Variants in MRPL13 observed in about 807,000 individuals in gnomAD.
The protein encoded by MRPL13 is large ribosomal subunit protein uL13m.
In MRPL13, 33 loss-of-function variants were observed where a neutral mutation model predicts 29.0. The observed-to-expected ratio is 1.14, with a 90% CI of 0.86 to 1.52. The LOEUF (loss-of-function observed/expected upper bound fraction) is 1.52, where lower values mean the gene tolerates loss of function less well. Ranked by LOEUF, MRPL13 falls within the 40% of genes most tolerant of loss-of-function variation. MRPL13 has a pLI of 0.00. For missense variants in MRPL13, 227 were observed against 216.7 expected, an observed-to-expected ratio of 1.05 and a Z score of -0.30; for synonymous variants, 77 against 68.4, an observed-to-expected ratio of 1.13 and a Z score of -0.62.
chr8:120,420,368 G>C (rs929770108), intron 4 of MRPL13, among the ~76,000 whole-genome samples: 9 of 150,158 alleles, frequency 6.0e-5, no homozygotes, highest in Non-Finnish European at 8.9e-5. Flanking sequence ...AAAAGCTAAT[G>C]GGTTACCATA....
intron 4 of MRPL13, among the ~76,000 whole-genome samples, chr8:120,420,246 G>A (rs1812854195): frequency 6.6e-6 from 1 of 151,260 alleles, no homozygotes; most frequent in South Asian, 2.1e-4. Flanking sequence ...AATTTGATGT[G>A]TGTTAAAGCT....
At chr8:120,444,902 T>A (rs1813185073) in intron 1 of MRPL13, 166 bp downstream of exon 1, 1 of 747,174 alleles carries the variant, frequency 1.3e-6, no homozygotes, top group Non-Finnish European at 2.3e-6. Context: ...CGAACGACAT[T>A]AAGTGCTTGC....
At chr8:120,403,396 C>T (rs927096771) in intron 6 of MRPL13, among the ~76,000 whole-genome samples, 1 of 152,076 alleles carries the variant, frequency 6.6e-6, no homozygotes, top group Non-Finnish European at 1.5e-5. Context: ...GGAACGGAAA[C>T]CCAAACACCA....
intron 6 of MRPL13, among the ~76,000 whole-genome samples, chr8:120,413,115 G>T (rs1812758190): frequency 6.6e-6 from 1 of 152,030 alleles, no homozygotes; most frequent in African/African-American, 2.4e-5. Context: ...GATAAATGCT[G>T]TGAAAAAAAT....
chr8:120,400,727 A>C (rs1397129471), intron 6 of MRPL13, among the ~76,000 whole-genome samples: 1 of 137,728 alleles, frequency 7.3e-6, no homozygotes, highest in East Asian at 2.0e-4. Context: ...TAAATAAATA[A>C]ATAAATAAAT....
At chr8:120,414,177 T>C in intron 5 of MRPL13, 65 bp from the exon 6 acceptor site, 2 of 1,154,180 alleles carry the variant, frequency 1.7e-6, no homozygotes, top group Non-Finnish European at 2.3e-6. Flanking sequence ...AAATTACTAA[T>C]ACTTCATAAG....
At chr8:120,406,513 T>C (rs1586918368) in intron 6 of MRPL13, among the ~76,000 whole-genome samples, 1 of 151,824 alleles carries the variant, frequency 6.6e-6, no homozygotes, top group African/African-American at 2.4e-5. Flanking sequence ...CCAGTCCTCA[T>C]CTTTATAAAG....
At chr8:120,398,831 A>G (rs1037252352) in intron 6 of MRPL13, among the ~76,000 whole-genome samples, 1 of 152,220 alleles carries the variant, frequency 6.6e-6, no homozygotes, top group African/African-American at 2.4e-5. Context: ...GAGCTGAAAA[A>G]TACAACATGA....
Position 120,403,513 on chromosome 8 carries a change from G to A in MRPL13, c.516-7388C>T, listed in dbSNP as rs372422976. The stretch of plus-strand genomic sequence containing the variant: ...TAGGAGGGGTTGGGGGAGGGAGACC[G>A]TCAGGAAGAATAGCGAATGGATGCT... On this transcript the variant is annotated intron_variant, in intron 6 of 6. Coordinates refer to ENST00000306185, the MANE Select transcript of MRPL13 (RefSeq NM_014078.6). 8.2e-4 allele frequency among the ~76,000 whole-genome samples: 125 copies of A among 152,208 alleles called. 1 individual carries two copies. Among genetic ancestry groups the A allele is most frequent in the African/African-American group, 2.8e-3 (115 of 41,540 alleles).
At chr8:120,412,064 G>A (rs1812746057) in intron 6 of MRPL13, among the ~76,000 whole-genome samples, 1 of 152,010 alleles carries the variant, frequency 6.6e-6, no homozygotes, top group South Asian at 2.1e-4. Flanking sequence ...GACTTCAAGT[G>A]TATAATATGT....
Position 120,427,933 on chromosome 8 carries a change from T to C in MRPL13, c.246-2567A>G, listed in dbSNP as rs766502312. 2.6e-5 allele frequency among the ~76,000 whole-genome samples: 4 copies of C among 152,014 alleles called. No individual in the cohort carries two copies. The East Asian group carries it at 7.7e-4, about 29-fold the overall frequency. The stretch of plus-strand genomic sequence containing the variant: ...TGCCCAAAGCAATTTATAGATTCAA[T>C]GCTATTCCTATTAAACTACCACTGA... On this transcript the variant is annotated intron_variant, in intron 3 of 6. Coordinates refer to ENST00000306185, the MANE Select transcript of MRPL13 (RefSeq NM_014078.6).
chr8:120,422,273 G>C (rs1812881700), intron 4 of MRPL13, among the ~76,000 whole-genome samples: 1 of 151,524 alleles, frequency 6.6e-6, no homozygotes, highest in African/African-American at 2.4e-5. Flanking sequence ...TTTAGGTCTA[G>C]CACTTTGCTA....
chr8:120,404,438 C>CT (rs1399685368), intron 6 of MRPL13, among the ~76,000 whole-genome samples: 4 of 152,196 alleles, frequency 2.6e-5, no homozygotes, highest in Admixed American at 6.5e-5. Flanking sequence ...CAAATTTCCT[C>CT]TTTGTCTTTT....
At chr8:120,414,336 CTGTT>C (rs1276002160) in intron 5 of MRPL13, 1 of 285,320 alleles carries the variant, frequency 3.5e-6, no homozygotes, top group East Asian at 8.3e-5. Flanking sequence ...TTAAAATGTG[CTGTT>C]TATTTCCCTC....
chr8:120,418,265 A>G (rs1812828274), intron 5 of MRPL13, among the ~76,000 whole-genome samples: 1 of 152,130 alleles, frequency 6.6e-6, no homozygotes, highest in Non-Finnish European at 1.5e-5. Flanking sequence ...ACAATACTCG[A>G]TAATTTATTT....
chr8:120,422,019 A>C (rs995287711), intron 4 of MRPL13, among the ~76,000 whole-genome samples: 5 of 151,630 alleles, frequency 3.3e-5, no homozygotes, highest in African/African-American at 1.2e-4. Context: ...CTAGTTATGA[A>C]AAAAAAATTA....
At chr8:120,432,415 T>C (rs532607547) in intron 2 of MRPL13, among the ~76,000 whole-genome samples, 1 of 152,198 alleles carries the variant, frequency 6.6e-6, no homozygotes, top group South Asian at 2.1e-4. Flanking sequence ...ATTACTGTTA[T>C]TCTTGTGACT....
At chr8:120,444,976 C>G in intron 1 of MRPL13, 92 bp downstream of exon 1, 1 of 1,570,500 alleles carries the variant, frequency 6.4e-7, no homozygotes, top group Non-Finnish European at 8.8e-7. Context: ...GGCTTCCCTG[C>G]CGCCCCAGCT....
Position 120,403,515 on chromosome 8 carries a change from C to A in MRPL13, c.516-7390G>T, listed in dbSNP as rs149741779. Among the ~76,000 whole-genome samples the A allele has an allele frequency of 2.6e-5, 4 of 152,148 alleles. No homozygotes were observed. The East Asian group carries it at 7.7e-4, about 29-fold the overall frequency. ...GGAGGGGTTGGGGGAGGGAGACCGTCAGGAAGAATAGCGAATGGATGCTGG... is the reference window on the plus strand; with the variant it reads ...GGAGGGGTTGGGGGAGGGAGACCGTAAGGAAGAATAGCGAATGGATGCTGG... On this transcript the variant is annotated intron_variant, in intron 6 of 6. Coordinates refer to ENST00000306185, the MANE Select transcript of MRPL13 (RefSeq NM_014078.6).
Sources: allele counts gnomAD v4.1 joint callset (sites outside exome capture counted in the v4.1 genomes callset), GRCh38; gene constraint gnomAD v4.1.1; transcripts MANE v1.5; gene names NCBI Gene and HGNC (gene_info 2026-07-23, HGNC 2026-07-21).